The following CD247 variants were observed in gnomAD, a reference collection of about 807,000 sequenced individuals.
CD247 encodes the protein CD247 molecule, also known as T-cell surface glycoprotein CD3 zeta chain.
Under a neutral mutation model 30.0 loss-of-function variants are expected in CD247, and 13 were observed. The ratio of observed to expected loss-of-function variants is 0.43; its 90% confidence interval spans 0.28 to 0.69. The LOEUF (loss-of-function observed/expected upper bound fraction) is 0.69, where lower values mean the gene tolerates loss of function less well. Among genes scored for constraint, CD247 ranks in the 30% least tolerant of loss-of-function variants. CD247 has a pLI of 0.16. For synonymous variants in CD247, 72 were observed against 80.0 expected, an observed-to-expected ratio of 0.90 and a Z score of 0.53; for missense variants, 193 against 212.6, an observed-to-expected ratio of 0.91 and a Z score of 0.57.
chr1:167,470,597 T>C (rs1653473696), intron 1 of CD247, among the ~76,000 whole-genome samples: 1 of 148,608 alleles, frequency 6.7e-6, no homozygotes, highest in African/African-American at 2.5e-5. Context: ...CACTCAAACA[T>C]AATCTTTAAC....
At chr1:167,438,450 G>C (rs1041318289) in intron 4 of CD247, 120 bp downstream of exon 4, 2 of 822,398 alleles carry the variant, frequency 2.4e-6, no homozygotes, top group East Asian at 2.4e-5. Flanking sequence ...CTCTTGTCCT[G>C]GGCCCACACA....
At chr1:167,475,169 A>G (rs1201463503) in intron 1 of CD247, among the ~76,000 whole-genome samples, 7 of 152,122 alleles carry the variant, frequency 4.6e-5, no homozygotes, top group Admixed American at 3.9e-4. Flanking sequence ...TTAACTTTTT[A>G]CTGGGAAAAA....
chr1:167,434,866 G>C (rs1283332969), intron 5 of CD247: 3 of 464,108 alleles, frequency 6.5e-6, no homozygotes, highest in African/African-American at 6.0e-5. Flanking sequence ...GGTCTGGACA[G>C]ACAAAGACCA....
At chr1:167,438,455 C>T in intron 4 of CD247, 115 bp downstream of exon 4, 1 of 846,830 alleles carries the variant, frequency 1.2e-6, no homozygotes, top group East Asian at 2.4e-5. Flanking sequence ...GTCCTGGGCC[C>T]ACACATGTGA....
chr1:167,434,083 A>G lies in CD247; in HGVS notation c.337-7T>C, dbSNP rs36056000. 4.0e-4 allele frequency: 645 copies of G among 1,613,728 alleles called. 4 individuals carry two copies. In the East Asian group the frequency reaches 0.013, roughly 33 times the overall value. On this transcript the variant is annotated splice_polypyrimidine_tract_variant and splice_region_variant and intron_variant, in intron 5 of 7. Transcript: ENST00000362089. ...TCTTATCTTTCTGCAGTTCCTGCAG[A>G]AGAGGGCGTGGAACACTGATTTTTA...
At chr1:167,493,687 A>G (rs1453521164) in intron 1 of CD247, among the ~76,000 whole-genome samples, 3 of 152,172 alleles carry the variant, frequency 2.0e-5, no homozygotes, top group Non-Finnish European at 4.4e-5. Context: ...CTTACTGATC[A>G]TCTCTGTCCA....
At position 167,518,468 on chromosome 1, in the gene CD247, T is replaced by C. The variant is rs1465312165; in HGVS notation, c.-3A>G. ...GTGAAAAGCGCCTTCCACTTCATCT[T>C]GTCCTTTCCCTCAGAAAGAGGCTGG... On this transcript the variant is annotated 5_prime_UTR_variant, in exon 1 of 8. Transcript: ENST00000362089. The C allele has an allele frequency of 6.2e-7, 1 of 1,614,028 alleles. No homozygotes were observed. The highest frequency in any genetic ancestry group is 2.2e-5 in the East Asian group (1 of 44,882).
chr1:167,465,327 C>CTTTTTTTTTTTTTTTTTTTTTT (rs765176193), intron 1 of CD247, among the ~76,000 whole-genome samples: 3 of 115,342 alleles, frequency 2.6e-5, no homozygotes, highest in East Asian at 2.6e-4. Flanking sequence ...TTTTCTTTTT[C>CTTTTTTTTTTTTTTTTTTTTTT]TTTTTTTTTT....
chr1:167,486,055 C>G (rs1038115153), intron 1 of CD247, among the ~76,000 whole-genome samples: 1 of 152,248 alleles, frequency 6.6e-6, no homozygotes, highest in African/African-American at 2.4e-5. Flanking sequence ...TGCAAGGACA[C>G]ACCACCATGC....
intron 1 of CD247, among the ~76,000 whole-genome samples, chr1:167,450,280 G>C (rs941866111): frequency 6.6e-6 from 1 of 152,172 alleles, no homozygotes; most frequent in Admixed American, 6.5e-5. Context: ...AGGACTGCTT[G>C]AGCCCAGGAG....
chr1:167,448,552 T>A (rs1652198161), intron 1 of CD247: 1 of 985,144 alleles, frequency 1.0e-6, no homozygotes, highest in African/African-American at 1.7e-5. Context: ...CACTGCCCAG[T>A]GCTTATAGCA....
intron 1 of CD247, among the ~76,000 whole-genome samples, chr1:167,484,100 C>T (rs1425912429): frequency 1.3e-5 from 2 of 152,220 alleles, no homozygotes; most frequent in East Asian, 3.9e-4. Flanking sequence ...GTGGAGAATA[C>T]AAAATCGCAG....
intron 1 of CD247, among the ~76,000 whole-genome samples, chr1:167,500,388 G>A (rs1295380825): frequency 6.6e-6 from 1 of 152,086 alleles, no homozygotes. Context: ...TCAGATCTTG[G>A]CTTTCACAAT....
intron 1 of CD247, among the ~76,000 whole-genome samples, chr1:167,453,058 A>ATATATTATATATATATAT (rs1212753152): frequency 6.7e-6 from 1 of 149,244 alleles, no homozygotes; most frequent in African/African-American, 2.4e-5. Flanking sequence ...TATTATAGAT[A>ATATATTATATATATATAT]TACAGAGAGA....
chr1:167,512,494 T>A (rs552038353), intron 1 of CD247, among the ~76,000 whole-genome samples: 1 of 152,300 alleles, frequency 6.6e-6, no homozygotes, highest in Admixed American at 6.5e-5. Flanking sequence ...AAAAGGGATG[T>A]TCAATCCTCT....
intron 1 of CD247, among the ~76,000 whole-genome samples, chr1:167,492,017 G>A (rs925298294): frequency 1.4e-4 from 22 of 152,166 alleles, no homozygotes; most frequent in African/African-American, 4.8e-4. Flanking sequence ...TTTCAGTTTC[G>A]CAAAATGAAA....
chr1:167,435,475 C>T, intron 4 of CD247, 41 bp from the exon 5 acceptor site: 1 of 1,550,002 alleles, frequency 6.5e-7, no homozygotes. Flanking sequence ...GAGAGAAACA[C>T]AAACCCAAGC....
intron 1 of CD247, among the ~76,000 whole-genome samples, chr1:167,505,949 A>G (rs1418278134): frequency 2.0e-5 from 3 of 152,236 alleles, no homozygotes; most frequent in Non-Finnish European, 2.9e-5. Flanking sequence ...TACTTATAAC[A>G]GGGCAGCTTG....
At chr1:167,513,468 C>G (rs1052980665) in intron 1 of CD247, among the ~76,000 whole-genome samples, 3 of 152,096 alleles carry the variant, frequency 2.0e-5, no homozygotes, top group African/African-American at 7.2e-5. Flanking sequence ...TAAAATATCT[C>G]AAACTAAGAG....
Sources: allele counts gnomAD v4.1 joint callset (sites outside exome capture counted in the v4.1 genomes callset), GRCh38; gene constraint gnomAD v4.1.1; transcripts MANE v1.5; gene names NCBI Gene and HGNC (gene_info 2026-07-23, HGNC 2026-07-21).